The following OSTM1 variants were observed in gnomAD, a reference collection of about 807,000 sequenced individuals.
OSTM1 encodes osteopetrosis-associated transmembrane protein 1.
Under a neutral mutation model 35.4 loss-of-function variants are expected in OSTM1, and 26 were observed. The observed-to-expected ratio is 0.73, with a 90% confidence interval of 0.54 to 1.02. OSTM1 has a LOEUF of 1.02. OSTM1 is among the 50% of genes least tolerant of loss of function. The pLI is 0.00. For missense variants in OSTM1, 366 were observed against 409.6 expected (o/e 0.89, Z 0.92); for synonymous variants, 181 against 165.0 (o/e 1.10, Z -0.75).
At chr6:108,048,661 CTGT>C (rs1772022642) in intron 5 of OSTM1, among the ~76,000 whole-genome samples, 1 of 151,404 alleles carries the variant, frequency 6.6e-6, no homozygotes, top group African/African-American at 2.4e-5. Flanking sequence ...TGCAAAGCCT[CTGT>C]TGTTATTCTT....
At chr6:108,059,849 G>C (rs773199143) in intron 2 of OSTM1, among the ~76,000 whole-genome samples, 14 of 152,124 alleles carry the variant, frequency 9.2e-5, no homozygotes, top group Non-Finnish European at 1.0e-4. Flanking sequence ...ATGGGATGAT[G>C]AATGATGATA....
intron 2 of OSTM1, among the ~76,000 whole-genome samples, chr6:108,061,654 C>T (rs1462051833): frequency 6.6e-6 from 1 of 151,792 alleles, no homozygotes; most frequent in African/African-American, 2.4e-5. Flanking sequence ...GCCTCCCAGG[C>T]AGCTGGGACT....
At chr6:108,073,491 G>A (rs1772523538) in intron 1 of OSTM1, among the ~76,000 whole-genome samples, 1 of 152,176 alleles carries the variant, frequency 6.6e-6, no homozygotes, top group Admixed American at 6.5e-5. Flanking sequence ...AAGGTATGAA[G>A]AATGAAGAGC....
In OSTM1 at chr6:108,041,764, T is replaced by C. The variant is rs1771872334; in HGVS notation, c.*3021A>G. ...TAATAAGGTAGGGAAATAAGTGACATACTTTTTAGAAGAATCCATGCAGTG... is the reference window on the plus strand; with the variant it reads ...TAATAAGGTAGGGAAATAAGTGACACACTTTTTAGAAGAATCCATGCAGTG... On this transcript the variant is annotated 3_prime_UTR_variant, in exon 6 of 6. Coordinates refer to ENST00000193322, the MANE Select transcript of OSTM1 (RefSeq NM_014028.4). The C allele has an allele frequency of 6.6e-6, 1 of 152,186 alleles. No individual in the cohort carries two copies. Among genetic ancestry groups the C allele is most frequent in the East Asian group, 1.9e-4 (1 of 5,196 alleles). The allele number at this position is 152,186 out of a possible 1,614,324, so 9.4% of individuals were successfully genotyped here. A position where few individuals can be genotyped will look rare whatever the true frequency, so the allele number is the denominator to read the frequency against.
Position 108,074,686 on chromosome 6 carries a change from G to A in OSTM1, c.-35C>T, listed in dbSNP as rs1007647407. On this transcript the variant is annotated 5_prime_UTR_variant, in exon 1 of 6. Transcript: ENST00000193322. ...CACACACCCCAGGGAGCCCACCGCC[G>A]CCTCTCCGCCCCCAGCCGGCACCGC... The A allele has an allele frequency of 8.0e-6, 12 of 1,501,890 alleles. No individual in the cohort carries two copies. Among genetic ancestry groups the A allele is most frequent in the African/African-American group, 1.4e-5 (1 of 69,698 alleles). 93.0% of individuals were successfully genotyped at this position (1,501,890 alleles called of 1,614,324 possible). A position where few individuals can be genotyped will look rare whatever the true frequency, so the allele number is the denominator to read the frequency against.
In OSTM1 at chr6:108,074,605, G is replaced by C. The variant is rs1772558308; in HGVS notation, c.47C>G (p.Pro16Arg). The C allele has an allele frequency of 1.3e-6, 2 of 1,565,584 alleles. No homozygotes were observed. The highest frequency in any genetic ancestry group is 1.3e-5 in the African/African-American group (1 of 74,168). ...TAAQRRCSLP[P>R]WLPLGLLLWS... ...CAGCAGCAGCCCCAGCGGCAGCCAC[G>C]GCGGCAACGAACACCTCCGCTGCGC... Residue 16 changes from proline (P) to arginine (R), a missense_variant, in exon 1 of 6, where the codon CCG becomes CGG. Physicochemically the swap from Pro to Arg is moderately radical, Grantham distance 103 (BLOSUM62 -2). Transcript: ENST00000193322.
intron 2 of OSTM1, among the ~76,000 whole-genome samples, chr6:108,058,044 C>CTTTTTTT (rs761751778): frequency 8.2e-6 from 1 of 121,564 alleles, no homozygotes; most frequent in African/African-American, 3.2e-5. Flanking sequence ...AAGAGTCAAT[C>CTTTTTTT]TTTTTTTTTT....
rs748952729 is a variant in OSTM1 at position 108,074,656 on chromosome 6, G to C, written c.-5C>G. ...GGCTGTCGGGCCCGGCTCCATCACC[G>C]GGCTCACACACCCCAGGGAGCCCAC... On this transcript the variant is annotated 5_prime_UTR_variant, in exon 1 of 6. Coordinates refer to ENST00000193322, the MANE Select transcript of OSTM1 (RefSeq NM_014028.4). 7.1e-6 allele frequency: 11 copies of C among 1,541,400 alleles called. No homozygotes were observed. The highest frequency in any genetic ancestry group is 7.0e-6 in the Non-Finnish European group (8 of 1,150,390).
chr6:108,058,065 T>TTC (rs903929566), intron 2 of OSTM1, among the ~76,000 whole-genome samples: 1 of 146,986 alleles, frequency 6.8e-6, no homozygotes, highest in African/African-American at 2.6e-5. Flanking sequence ...TTTTTTTTTT[T>TTC]CTGAGACAGA....
At chr6:108,049,635 T>C in intron 4 of OSTM1, 2 of 1,151,716 alleles carry the variant, frequency 1.7e-6, no homozygotes, top group Admixed American at 3.0e-5. Flanking sequence ...AGAAATTTCA[T>C]ATTCTAAGTC....
At chr6:108,053,334 A>G (rs9398158) in intron 3 of OSTM1, among the ~76,000 whole-genome samples, 62,159 of 152,006 alleles carry the variant, frequency 0.41, 14,348 homozygotes, top group African/African-American at 0.6. Context: ...CCATATATAA[A>G]AGGGATGACT....
At chr6:108,049,440 T>A in intron 4 of OSTM1, 22 bp from the exon 5 acceptor site, 1 of 1,610,498 alleles carries the variant, frequency 6.2e-7, no homozygotes, top group Non-Finnish European at 8.5e-7. Flanking sequence ...GCAAACAATA[T>A]CTTTCTATTT....
At chr6:108,055,286 C>A (rs1772150276) in intron 2 of OSTM1, among the ~76,000 whole-genome samples, 1 of 151,940 alleles carries the variant, frequency 6.6e-6, no homozygotes, top group Admixed American at 6.6e-5. Context: ...TTTATGTATC[C>A]ATTTTCCCTT....
intron 2 of OSTM1, among the ~76,000 whole-genome samples, chr6:108,063,768 T>C (rs750863892): frequency 3.3e-5 from 5 of 152,212 alleles, no homozygotes; most frequent in Non-Finnish European, 5.9e-5. Context: ...GAACACTAAA[T>C]ACGTGTCAGG....
In OSTM1 at chr6:108,042,112, A is replaced by T. The variant is rs1771876813; in HGVS notation, c.*2673T>A. 1 of 151,772 alleles carries T rather than the reference A, an allele frequency of 6.6e-6. No individual in the cohort carries two copies. Among genetic ancestry groups the T allele is most frequent in the South Asian group, 2.1e-4 (1 of 4,818 alleles). 9.4% of individuals were successfully genotyped at this position (151,772 alleles called of 1,614,324 possible). ...AGTCCCAATATAAGTAACATTTACC[A>T]ACTAGACTCTGGGCTACACTTTAAA... On this transcript the variant is annotated 3_prime_UTR_variant, in exon 6 of 6. Transcript: ENST00000193322.
rs561684241 is a variant in OSTM1 at position 108,074,141 on chromosome 6, C to T, written c.402+109G>A. 38 of 1,120,536 alleles carry T rather than the reference C, an allele frequency of 3.4e-5. 2 individuals carry two copies. The South Asian group carries it at 4.2e-4, about 12-fold the overall frequency. The allele number at this position is 1,120,536 out of a possible 1,614,324, so 69.4% of individuals were successfully genotyped here. On this transcript the variant is annotated intron_variant, in intron 1 of 5. Transcript: ENST00000193322. ...CAACTCTACAGACTCAGTCCAACCC[C>T]TTTTTCTTACTGTTGGGGAAACTGA...
chr6:108,049,576 A>C, intron 4 of OSTM1, 158 bp from the exon 5 acceptor site: 2 of 1,434,682 alleles, frequency 1.4e-6, no homozygotes, highest in South Asian at 1.5e-5. Flanking sequence ...TTCTGCCAGG[A>C]AAAAAACCTG....
At chr6:108,073,945 G>C in intron 1 of OSTM1, 1 of 448,410 alleles carries the variant, frequency 2.2e-6, no homozygotes, top group Non-Finnish European at 4.0e-6. Flanking sequence ...TCCAGGTGAA[G>C]ATGAGAAGAA....
At chr6:108,066,759 T>C (rs1204346371) in intron 1 of OSTM1, among the ~76,000 whole-genome samples, 1 of 152,112 alleles carries the variant, frequency 6.6e-6, no homozygotes, top group Non-Finnish European at 1.5e-5. Context: ...TAAAGAGCAA[T>C]GTGGGACCCA....
Sources: allele counts gnomAD v4.1 joint callset (sites outside exome capture counted in the v4.1 genomes callset), GRCh38; gene constraint gnomAD v4.1.1; transcripts MANE v1.5; gene names NCBI Gene and HGNC (gene_info 2026-07-23, HGNC 2026-07-21).